The following CCND3 variants were observed in gnomAD, a reference collection of about 807,000 sequenced individuals.
The protein encoded by CCND3 is cyclin D3.
CCND3 carries 9 observed loss-of-function variants against 28.7 expected under a neutral mutation model. The observed-to-expected ratio is 0.31, with a 90% CI of 0.19 to 0.55. The LOEUF (loss-of-function observed/expected upper bound fraction) is 0.55. CCND3 is among the 20% of genes least tolerant of loss of function. The probability of loss-of-function intolerance (pLI) is 0.93; values close to 1 mark genes in which losing one functional copy is unlikely to be tolerated. For missense variants in CCND3, 315 were observed against 385.8 expected, an observed-to-expected ratio of 0.82 and a Z score of 1.54; for synonymous variants, 164 against 163.9, an observed-to-expected ratio of 1.00 and a Z score of 0.00.
chr6:41,936,438 C>G lies in CCND3; in HGVS notation c.711+121G>C. 1 of 1,224,694 alleles carries G rather than the reference C, an allele frequency of 8.2e-7. No homozygotes were observed. Among genetic ancestry groups the G allele is most frequent in the South Asian group, 1.4e-5 (1 of 70,406 alleles). The allele number at this position is 1,224,694 out of a possible 1,614,324, so 75.9% of individuals were successfully genotyped here. On this transcript the variant is annotated intron_variant, in intron 4 of 4. Coordinates refer to ENST00000372991, the MANE Select transcript of CCND3 (RefSeq NM_001760.5). This position sits in a 1 kb window ranked among gnomAD's most constrained non-coding sequence, Gnocchi z 4.4. ...CAGGAGATAAAAAGCCACAAAGCCCCAAGGTTGTGAAACCAGGACTTGGGA... is the reference window on the plus strand; with the variant it reads ...CAGGAGATAAAAAGCCACAAAGCCCGAAGGTTGTGAAACCAGGACTTGGGA...
intron 1 of CCND3, among the ~76,000 whole-genome samples, chr6:41,994,233 G>C (rs1762733432): frequency 6.6e-6 from 1 of 151,944 alleles, no homozygotes; most frequent in African/African-American, 2.4e-5. Context: ...CTGCTATACA[G>C]GTTTGTAGCT....
intron 1 of CCND3, among the ~76,000 whole-genome samples, chr6:41,957,013 A>G (rs974610339): frequency 2.0e-5 from 3 of 152,248 alleles, no homozygotes; most frequent in Non-Finnish European, 2.9e-5. Context: ...CCTGGGCAAC[A>G]GAATGAGACT....
At position 41,936,476 on chromosome 6, in the gene CCND3, T is replaced by C; in HGVS notation, c.711+83A>G. On this transcript the variant is annotated intron_variant, in intron 4 of 4. Coordinates refer to ENST00000372991, the MANE Select transcript of CCND3 (RefSeq NM_001760.5). This position sits in a 1 kb window ranked among gnomAD's most constrained non-coding sequence, Gnocchi z 4.4. ...CCAGGACTTGGGACCAGGTTGGGGT[T>C]GGAGGTTTCCCTCTACTGGAGGCTC... The C allele has an allele frequency of 6.6e-7, 1 of 1,504,330 alleles. No individual in the cohort carries two copies. The highest frequency in any genetic ancestry group is 9.1e-7 in the Non-Finnish European group (1 of 1,098,662). 93.2% of individuals were successfully genotyped at this position (1,504,330 alleles called of 1,614,324 possible).
upstream of CCND3, among the ~76,000 whole-genome samples, chr6:41,942,579 TA>T (rs1776066368): frequency 3.3e-5 from 5 of 152,294 alleles, no homozygotes; most frequent in South Asian, 8.3e-4. Flanking sequence ...GACAAGCCCC[TA>T]AAGTCGGCCT....
Position 41,969,166 on chromosome 6 carries a change from C to T in CCND3, c.-45-28581G>A, listed in dbSNP as rs114539724. On this transcript the variant is annotated intron_variant, in intron 1 of 4. Transcript: ENST00000372988. ...AGACCCCATAAAACTAGAATCTTCA[C>T]GCCTGTAATCCCAGCACTTTGGGAG... 1.4e-3 allele frequency among the ~76,000 whole-genome samples: 208 copies of T among 152,190 alleles called. 1 individual carries two copies. The highest frequency in any genetic ancestry group is 4.9e-3 in the African/African-American group (202 of 41,524).
chr6:41,971,169 C>T (rs893454407), intron 1 of CCND3, among the ~76,000 whole-genome samples: 1 of 152,190 alleles, frequency 6.6e-6, no homozygotes, highest in African/African-American at 2.4e-5. Context: ...CCACCAGCCT[C>T]GGCATCCCAA....
chr6:42,038,125 C>T (rs1335049198), intron 1 of CCND3, among the ~76,000 whole-genome samples: 2 of 151,862 alleles, frequency 1.3e-5, no homozygotes, highest in Admixed American at 1.3e-4. Flanking sequence ...ATTGCTGCAG[C>T]AGACCTAATA....
intron 1 of CCND3, among the ~76,000 whole-genome samples, chr6:41,946,921 C>A (rs1776186052): frequency 6.7e-6 from 1 of 149,636 alleles, no homozygotes; most frequent in Non-Finnish European, 1.5e-5. Flanking sequence ...CCCATCTTTA[C>A]TAAAAATACA....
At chr6:41,940,835 G>A (rs894977630) in intron 1 of CCND3, 3 of 1,093,136 alleles carry the variant, frequency 2.7e-6, no homozygotes, top group Non-Finnish European at 4.3e-6. Flanking sequence ...CTTGCTCACG[G>A]AGGATTCCAA....
chr6:42,024,912 G>A (rs535478466), intron 1 of CCND3, among the ~76,000 whole-genome samples: 33 of 152,152 alleles, frequency 2.2e-4, no homozygotes, highest in African/African-American at 7.5e-4. Flanking sequence ...TACAAAATTA[G>A]CCCAGTGTGG....
intron 1 of CCND3, among the ~76,000 whole-genome samples, chr6:42,015,934 T>TA (rs1449659684): frequency 1.3e-5 from 2 of 151,628 alleles, no homozygotes; most frequent in Non-Finnish European, 1.5e-5. Context: ...TTTATTTATT[T>TA]TTTATTTATT....
rs367673182 is a variant in CCND3 at position 41,972,008 on chromosome 6, G to A, written c.-45-31423C>T. Among the ~76,000 whole-genome samples the A allele has an allele frequency of 2.3e-3, 342 of 149,836 alleles. 5 individuals are homozygous for A. The highest frequency in any genetic ancestry group is 0.01 in the Middle Eastern group (3 of 292). On this transcript the variant is annotated intron_variant, in intron 1 of 4. Transcript: ENST00000372988. ...TGGGAGGCCAAGACGGGCGGATCAC[G>A]AGGTCAGGAGATCGAGACCATCCTG...
chr6:42,047,304 G>A (rs1334673201), intron 1 of CCND3, among the ~76,000 whole-genome samples: 1 of 152,238 alleles, frequency 6.6e-6, no homozygotes, highest in African/African-American at 2.4e-5. Context: ...GGAATAGCCT[G>A]TGCAGATGGA....
At chr6:42,032,879 G>T (rs1764083646) in intron 1 of CCND3, among the ~76,000 whole-genome samples, 1 of 152,114 alleles carries the variant, frequency 6.6e-6, no homozygotes, top group African/African-American at 2.4e-5. Flanking sequence ...TCCAAGCCTG[G>T]TTCTGCAGCT....
intron 1 of CCND3, among the ~76,000 whole-genome samples, chr6:42,014,941 C>T (rs924168701): frequency 1.3e-5 from 2 of 152,190 alleles, no homozygotes; most frequent in African/African-American, 4.8e-5. Context: ...CTCAGCCATA[C>T]ATATCTTCAC....
chr6:42,022,980 C>T (rs527888991), intron 1 of CCND3, among the ~76,000 whole-genome samples: 4 of 152,320 alleles, frequency 2.6e-5, no homozygotes, highest in East Asian at 3.9e-4. Context: ...GGACCATGTA[C>T]GGGTACAGCC....
intron 1 of CCND3, among the ~76,000 whole-genome samples, chr6:41,973,909 G>A (rs1030007007): frequency 1.3e-5 from 2 of 152,202 alleles, no homozygotes; most frequent in Non-Finnish European, 2.9e-5. Flanking sequence ...GTGGGCGGGC[G>A]CAGTGGCTCA....
chr6:42,003,363 T>G (rs928627511), intron 1 of CCND3, among the ~76,000 whole-genome samples: 1 of 149,158 alleles, frequency 6.7e-6, no homozygotes, highest in African/African-American at 2.5e-5. Flanking sequence ...TCATCTCTAC[T>G]AAAAATACAA....
At chr6:41,946,187 C>G (rs1189036322), upstream of CCND3, among the ~76,000 whole-genome samples, 3 of 152,032 alleles carry the variant, frequency 2.0e-5, no homozygotes, top group Admixed American at 6.6e-5. Context: ...ACAGTAGTAC[C>G]CCCCCACAGA....
Sources: allele counts gnomAD v4.1 joint callset (sites outside exome capture counted in the v4.1 genomes callset), GRCh38; gene constraint gnomAD v4.1.1; non-coding constraint Gnocchi (gnomAD v3.1); transcripts MANE v1.5; gene names NCBI Gene and HGNC (gene_info 2026-07-23, HGNC 2026-07-21).